DIAPH3: variants seen among roughly 807,000 people sequenced by gnomAD.
DIAPH3 encodes the protein diaphanous related formin 3, also known as protein diaphanous homolog 3.
DIAPH3 carries 117 observed loss-of-function variants against 144.3 expected under a neutral mutation model. That is an observed-to-expected ratio of 0.81 (90% CI 0.70 to 0.95). DIAPH3 has a LOEUF of 0.95. Ranked by LOEUF, DIAPH3 falls within the 40% of genes least tolerant of loss-of-function variation. The probability of loss-of-function intolerance (pLI) is 0.00; values close to 1 mark genes in which losing one functional copy is unlikely to be tolerated. For missense variants in DIAPH3, 1,421 were observed against 1,412.7 expected, an observed-to-expected ratio of 1.01 and a Z score of -0.09; for synonymous variants, 519 against 488.9, an observed-to-expected ratio of 1.06 and a Z score of -0.81.
At chr13:59,861,898 T>C (rs1165829671) in intron 21 of DIAPH3, among the ~76,000 whole-genome samples, 1 of 152,224 alleles carries the variant, frequency 6.6e-6, no homozygotes, top group African/African-American at 2.4e-5. Context: ...GAATGCCTAC[T>C]AGCTACTGTA....
intron 7 of DIAPH3, chr13:60,013,128 G>T: frequency 1.0e-6 from 1 of 984,908 alleles, no homozygotes; most frequent in South Asian, 4.7e-5. Context: ...GTCTAAGGAT[G>T]TATCTTTCCT....
At chr13:60,131,362 G>A (rs2059132308) in intron 2 of DIAPH3, among the ~76,000 whole-genome samples, 1 of 149,264 alleles carries the variant, frequency 6.7e-6, no homozygotes, top group Non-Finnish European at 1.5e-5. Flanking sequence ...CCTGAGCCCA[G>A]GAGGTCAAGA....
At chr13:59,806,374 A>T (rs1291625641) in intron 25 of DIAPH3, among the ~76,000 whole-genome samples, 1 of 152,026 alleles carries the variant, frequency 6.6e-6, no homozygotes, top group South Asian at 2.1e-4. Flanking sequence ...TGTTTAAAAA[A>T]CACACCATAT....
chr13:60,136,415 C>T lies in DIAPH3; in HGVS notation c.181-3426G>A, dbSNP rs987060931. Among the ~76,000 whole-genome samples the T allele has an allele frequency of 1.3e-4, 19 of 140,858 alleles. No individual in the cohort carries two copies. In the Admixed American group the frequency reaches 1.4e-3, roughly 11 times the overall value. The allele number at this position is 140,858 out of a possible 152,430, so 92.4% of individuals were successfully genotyped here. A position where few individuals can be genotyped will look rare whatever the true frequency, so the allele number is the denominator to read the frequency against. On this transcript the variant is annotated intron_variant, in intron 1 of 27. Coordinates refer to ENST00000400324, the MANE Select transcript of DIAPH3 (RefSeq NM_001042517.2). ...AAAACCGACTATTAAATGGAAGCAA[C>T]TAGGAAACACCTTTAAAAATAATAA...
chr13:60,044,473 C>T (rs995148500), intron 4 of DIAPH3: 3 of 151,940 alleles, frequency 2.0e-5, no homozygotes, highest in African/African-American at 4.8e-5. Flanking sequence ...AATGAACATC[C>T]GATTATTTTT....
intron 21 of DIAPH3, among the ~76,000 whole-genome samples, chr13:59,864,544 C>G (rs1475032386): frequency 6.6e-6 from 1 of 152,010 alleles, no homozygotes; most frequent in Non-Finnish European, 1.5e-5. Context: ...TATAGCTAAA[C>G]AGCCAGCAAC....
chr13:60,025,308 A>C (rs764543186), intron 5 of DIAPH3, among the ~76,000 whole-genome samples: 34 of 145,988 alleles, frequency 2.3e-4, no homozygotes, highest in Non-Finnish European at 2.4e-4. Flanking sequence ...AACCCAGCAA[A>C]CTCACCGCCA....
At chr13:60,018,303 G>C (rs773813105) in intron 5 of DIAPH3, among the ~76,000 whole-genome samples, 3 of 152,074 alleles carry the variant, frequency 2.0e-5, no homozygotes, top group African/African-American at 4.8e-5. Context: ...CACCAAAATA[G>C]GCAAAGTAAT....
intron 24 of DIAPH3, among the ~76,000 whole-genome samples, chr13:59,814,893 C>G (rs895476439): frequency 1.3e-5 from 2 of 152,210 alleles, no homozygotes; most frequent in Non-Finnish European, 1.5e-5. Context: ...TTCTATAAGT[C>G]TGACTTTTTT....
chr13:59,798,447 C>G (rs1156684450), intron 25 of DIAPH3, among the ~76,000 whole-genome samples: 1 of 152,216 alleles, frequency 6.6e-6, no homozygotes, highest in Non-Finnish European at 1.5e-5. Flanking sequence ...TGCTACATTA[C>G]TGGTTAGTCC....
intron 17 of DIAPH3, among the ~76,000 whole-genome samples, chr13:59,948,522 C>T (rs1319958989): frequency 6.6e-6 from 1 of 152,166 alleles, no homozygotes; most frequent in African/African-American, 2.4e-5. Flanking sequence ...GTGATCATAG[C>T]TTACTGCAGC....
chr13:60,157,276 C>T (rs915831246), intron 1 of DIAPH3, among the ~76,000 whole-genome samples: 1 of 152,234 alleles, frequency 6.6e-6, no homozygotes, highest in South Asian at 2.1e-4. Context: ...CCATATGTAG[C>T]GCAGTACATG....
At chr13:59,727,152 C>T (rs1432364690) in intron 27 of DIAPH3, among the ~76,000 whole-genome samples, 1 of 152,150 alleles carries the variant, frequency 6.6e-6, no homozygotes, top group Non-Finnish European at 1.5e-5. Context: ...CTGTGACCTA[C>T]AGTTAACAAA....
chr13:59,853,378 AG>A (rs1393172963), intron 22 of DIAPH3, among the ~76,000 whole-genome samples: 1 of 152,066 alleles, frequency 6.6e-6, no homozygotes, highest in African/African-American at 2.4e-5. Flanking sequence ...TGTGATCCCC[AG>A]TGTTAAAGAA....
intron 25 of DIAPH3, among the ~76,000 whole-genome samples, chr13:59,798,472 C>G (rs577691486): frequency 1.3e-5 from 2 of 152,224 alleles, no homozygotes; most frequent in African/African-American, 4.8e-5. Flanking sequence ...ATAAATGTCA[C>G]ACCTCTGTAT....
intron 27 of DIAPH3, among the ~76,000 whole-genome samples, chr13:59,670,777 G>A (rs978822683): frequency 5.3e-5 from 8 of 152,014 alleles, no homozygotes; most frequent in Non-Finnish European, 4.4e-5. Context: ...TAAAGACGGG[G>A]TTTCACTGTG....
chr13:59,839,643 T>TA (rs2042233965), intron 22 of DIAPH3, among the ~76,000 whole-genome samples, 195 bp from the exon 23 acceptor site: 1 of 152,172 alleles, frequency 6.6e-6, no homozygotes, highest in Non-Finnish European at 1.5e-5. Context: ...AGACAGTCTT[T>TA]AAAACGTAAG....
At chr13:60,042,191 G>T (rs764633292) in intron 5 of DIAPH3, among the ~76,000 whole-genome samples, 1 of 152,042 alleles carries the variant, frequency 6.6e-6, no homozygotes, top group East Asian at 1.9e-4. Flanking sequence ...AAATTTGGAC[G>T]TCAGATAAAC....
chr13:59,987,475 TAA>T (rs201333360), intron 12 of DIAPH3, among the ~76,000 whole-genome samples: 28 of 70,160 alleles, frequency 4.0e-4, no homozygotes, highest in African/African-American at 8.7e-4. Context: ...TAAAGTATAA[TAA>T]AAAAAAAAAA....
Sources: allele counts gnomAD v4.1 joint callset (sites outside exome capture counted in the v4.1 genomes callset), GRCh38; gene constraint gnomAD v4.1.1; transcripts MANE v1.5; gene names NCBI Gene and HGNC (gene_info 2026-07-23, HGNC 2026-07-21).